The following CTDSPL2 variants were observed in gnomAD, a reference collection of about 807,000 sequenced individuals.
CTDSPL2 encodes CTD small phosphatase-like protein 2.
Under a neutral mutation model 60.0 loss-of-function variants are expected in CTDSPL2, and 5 were observed. The observed-to-expected ratio is 0.08, with a 90% CI of 0.04 to 0.18. The LOEUF is 0.18. Ranked by LOEUF, CTDSPL2 falls within the 10% of genes least tolerant of loss-of-function variation. CTDSPL2 has a pLI of 1.00. For missense variants in CTDSPL2, 370 were observed against 548.8 expected, an observed-to-expected ratio of 0.67 and a Z score of 3.26; for synonymous variants, 186 against 189.3, an observed-to-expected ratio of 0.98 and a Z score of 0.14.
intron 5 of CTDSPL2, among the ~76,000 whole-genome samples, chr15:44,495,879 T>G (rs890131963): frequency 1.3e-5 from 2 of 151,616 alleles, no homozygotes; most frequent in Non-Finnish European, 2.9e-5. Context: ...TTGCAGTGAG[T>G]TGAGATCATG....
intron 1 of CTDSPL2, among the ~76,000 whole-genome samples, chr15:44,444,973 G>A (rs1178796197): frequency 1.4e-5 from 2 of 144,856 alleles, no homozygotes; most frequent in Non-Finnish European, 3.0e-5. Flanking sequence ...TCAGCCTCCC[G>A]AGTAGCTGGG....
chr15:44,428,242 G>GATTT (rs2079787401), intron 1 of CTDSPL2: 1 of 152,270 alleles, frequency 6.6e-6, no homozygotes. Flanking sequence ...TGGAAGAAGG[G>GATTT]ATTTGACTAA....
chr15:44,453,093 A>C (rs2080363146), intron 1 of CTDSPL2, among the ~76,000 whole-genome samples: 1 of 152,092 alleles, frequency 6.6e-6, no homozygotes, highest in Non-Finnish European at 1.5e-5. Context: ...ATTTGCAAAG[A>C]GATAAGTTTC....
At chr15:44,464,141 C>T (rs1444959442) in intron 2 of CTDSPL2, among the ~76,000 whole-genome samples, 1 of 152,142 alleles carries the variant, frequency 6.6e-6, no homozygotes, top group Non-Finnish European at 1.5e-5. Flanking sequence ...TCCCGAGTAG[C>T]TGGGACTACA....
At chr15:44,513,753 TC>T (rs2081605708) in intron 8 of CTDSPL2, among the ~76,000 whole-genome samples, 1 of 152,238 alleles carries the variant, frequency 6.6e-6, no homozygotes, top group African/African-American at 2.4e-5. Flanking sequence ...ATAGTATTTT[TC>T]TTTCTGTAAA....
intron 1 of CTDSPL2, among the ~76,000 whole-genome samples, chr15:44,457,038 A>C (rs1421005594): frequency 6.6e-6 from 1 of 151,836 alleles, no homozygotes; most frequent in Non-Finnish European, 1.5e-5. Flanking sequence ...CACCATGGCC[A>C]GCTAATTTTT....
chr15:44,462,679 C>A (rs992194066), intron 2 of CTDSPL2, among the ~76,000 whole-genome samples: 16 of 141,594 alleles, frequency 1.1e-4, no homozygotes, highest in African/African-American at 4.0e-4. Flanking sequence ...GCTGGGGACT[C>A]TTGAACTAGA....
At chr15:44,454,481 T>A (rs2080393988) in intron 1 of CTDSPL2, among the ~76,000 whole-genome samples, 1 of 152,224 alleles carries the variant, frequency 6.6e-6, no homozygotes, top group African/African-American at 2.4e-5. Flanking sequence ...TTTTGGTGTT[T>A]TAGACATGAA....
intron 2 of CTDSPL2, among the ~76,000 whole-genome samples, chr15:44,479,407 CTTTT>C (rs11414036): frequency 1.0e-4 from 10 of 97,892 alleles, no homozygotes; most frequent in Admixed American, 2.2e-4. Context: ...ATTTTCTTTC[CTTTT>C]TTTTTTTTTT....
At chr15:44,437,091 A>G (rs1395264188) in intron 1 of CTDSPL2, among the ~76,000 whole-genome samples, 1 of 152,098 alleles carries the variant, frequency 6.6e-6, no homozygotes, top group Non-Finnish European at 1.5e-5. Context: ...ATTTTGACTG[A>G]CTCGTCACAT....
At chr15:44,429,001 T>A (rs150776896) in intron 1 of CTDSPL2, among the ~76,000 whole-genome samples, 14 of 152,324 alleles carry the variant, frequency 9.2e-5, no homozygotes, top group Admixed American at 6.5e-5. Context: ...TTTTTTGTTT[T>A]CACTAATCAA....
chr15:44,431,611 C>G (rs1423500695), intron 1 of CTDSPL2, among the ~76,000 whole-genome samples: 1 of 151,886 alleles, frequency 6.6e-6, no homozygotes, highest in Non-Finnish European at 1.5e-5. Context: ...AATATTAGCA[C>G]AGATTGACTA....
At position 44,527,353 on chromosome 15, in the gene CTDSPL2, C is replaced by G. The variant is rs1456635306; in HGVS notation, c.*3179C>G. ...TGGCCAATGACTTTTTCATCTAGAT[C>G]TTACTTTCATTCAACCTTCTAAAGA... On this transcript the variant is annotated 3_prime_UTR_variant, in exon 13 of 13. Coordinates refer to ENST00000260327, the MANE Select transcript of CTDSPL2 (RefSeq NM_016396.3). The G allele has an allele frequency of 6.6e-6, 1 of 152,030 alleles. No individual in the cohort carries two copies. Among genetic ancestry groups the G allele is most frequent in the East Asian group, 1.9e-4 (1 of 5,160 alleles). 9.4% of individuals were successfully genotyped at this position (152,030 alleles called of 1,614,324 possible).
At chr15:44,501,364 T>C (rs1315446847) in intron 8 of CTDSPL2, among the ~76,000 whole-genome samples, 2 of 152,136 alleles carry the variant, frequency 1.3e-5, no homozygotes, top group East Asian at 3.8e-4. Flanking sequence ...TAATTCTTAG[T>C]AGTGAATAAG....
chr15:44,468,395 T>G (rs552642910), intron 2 of CTDSPL2, among the ~76,000 whole-genome samples: 1 of 152,364 alleles, frequency 6.6e-6, no homozygotes, highest in East Asian at 1.9e-4. Context: ...CTGATCTAGA[T>G]AATTTATTGA....
chr15:44,487,606 C>A (rs533498788), intron 4 of CTDSPL2, among the ~76,000 whole-genome samples: 2 of 152,224 alleles, frequency 1.3e-5, no homozygotes, highest in South Asian at 4.1e-4. Context: ...TGCGTAGAGG[C>A]CTTGCAGCAG....
chr15:44,498,552 T>C (rs1359145133), intron 7 of CTDSPL2, among the ~76,000 whole-genome samples: 3 of 151,772 alleles, frequency 2.0e-5, no homozygotes, highest in Non-Finnish European at 2.9e-5. Context: ...TGCCACTGCA[T>C]TGCAGCCTGG....
intron 1 of CTDSPL2, among the ~76,000 whole-genome samples, chr15:44,436,217 A>C (rs927635952): frequency 1.3e-5 from 2 of 152,230 alleles, no homozygotes; most frequent in Non-Finnish European, 2.9e-5. Context: ...ATGTAAATTT[A>C]GTAATCATAC....
intron 1 of CTDSPL2, among the ~76,000 whole-genome samples, chr15:44,443,728 C>T (rs1346449881): frequency 6.6e-6 from 1 of 152,010 alleles, no homozygotes; most frequent in Non-Finnish European, 1.5e-5. Flanking sequence ...TGGAGAAAAG[C>T]CTATTCAAGT....
Sources: allele counts gnomAD v4.1 joint callset (sites outside exome capture counted in the v4.1 genomes callset), GRCh38; gene constraint gnomAD v4.1.1; transcripts MANE v1.5; gene names NCBI Gene and HGNC (gene_info 2026-07-23, HGNC 2026-07-21).